TAX1BP1: variants seen among roughly 807,000 people sequenced by gnomAD.
TAX1BP1 encodes tax1-binding protein 1.
TAX1BP1 carries 62 observed loss-of-function variants against 97.7 expected under a neutral mutation model. That is an observed-to-expected ratio of 0.63 (90% CI 0.52 to 0.78). The LOEUF is 0.78. Among genes scored for constraint, TAX1BP1 ranks in the 30% least tolerant of loss-of-function variants. The probability of loss-of-function intolerance (pLI) is 0.00; values close to 1 mark genes in which losing one functional copy is unlikely to be tolerated. For missense variants in TAX1BP1, 867 were observed against 916.1 expected, an observed-to-expected ratio of 0.95 and a Z score of 0.69; for synonymous variants, 340 against 304.2, an observed-to-expected ratio of 1.12 and a Z score of -1.23.
At chr7:27,753,082 TTCAGG>T (rs1428493336) in intron 2 of TAX1BP1, among the ~76,000 whole-genome samples, 1 of 152,122 alleles carries the variant, frequency 6.6e-6, no homozygotes, top group Non-Finnish European at 1.5e-5. Flanking sequence ...GGCAGATCAC[TTCAGG>T]TCAGGAGTTT....
chr7:27,769,929 A>G (rs1788782944), intron 5 of TAX1BP1, 95 bp downstream of exon 5: 2 of 1,235,338 alleles, frequency 1.6e-6, no homozygotes, highest in Non-Finnish European at 2.3e-6. Context: ...AGTGAAAACC[A>G]GGTACTGAGA....
intron 8 of TAX1BP1, among the ~76,000 whole-genome samples, chr7:27,789,657 AT>A (rs1789626201): frequency 6.6e-6 from 1 of 151,936 alleles, no homozygotes; most frequent in African/African-American, 2.4e-5. Context: ...TTTGAAAAAA[AT>A]GGCCACATAA....
At chr7:27,817,269 T>C (rs556150614) in intron 15 of TAX1BP1, among the ~76,000 whole-genome samples, 15 of 152,332 alleles carry the variant, frequency 9.8e-5, no homozygotes, top group African/African-American at 3.4e-4. Context: ...TTAGGATTTA[T>C]ATACTAAAGT....
intron 5 of TAX1BP1, among the ~76,000 whole-genome samples, chr7:27,783,914 G>A (rs1021323077): frequency 6.6e-6 from 1 of 152,058 alleles, no homozygotes; most frequent in African/African-American, 2.4e-5. Flanking sequence ...CTGGTATTAT[G>A]GCATTGGAAC....
rs184508476 is a variant in TAX1BP1, at chr7:27,746,782, A to G, written c.-7-1736A>G. On this transcript the variant is annotated intron_variant, in intron 1 of 16. Transcript: ENST00000396319. Reference sequence around the variant, plus strand: ...AGGCTGACAACTAGCCTGATACTCTACAGTGGTTTCCAGGTTCATGATTGA... The same window carrying G: ...AGGCTGACAACTAGCCTGATACTCTGCAGTGGTTTCCAGGTTCATGATTGA... 6.6e-5 allele frequency among the ~76,000 whole-genome samples: 10 copies of G among 152,280 alleles called. No homozygotes were observed. The East Asian group carries it at 1.5e-3, about 24-fold the overall frequency.
At chr7:27,740,716 G>A (rs944138621) in intron 1 of TAX1BP1, among the ~76,000 whole-genome samples, 1 of 152,188 alleles carries the variant, frequency 6.6e-6, no homozygotes, top group Non-Finnish European at 1.5e-5. Flanking sequence ...CACGTAGGTC[G>A]CGTCCGAGAA....
intron 3 of TAX1BP1, among the ~76,000 whole-genome samples, chr7:27,763,369 C>T (rs1384469229): frequency 6.6e-6 from 1 of 152,160 alleles, no homozygotes; most frequent in East Asian, 1.9e-4. Flanking sequence ...CAAGTTTTTC[C>T]AGGCAGCTTT....
chr7:27,780,369 G>A (rs1347113506), intron 5 of TAX1BP1, among the ~76,000 whole-genome samples: 1 of 152,130 alleles, frequency 6.6e-6, no homozygotes, highest in Non-Finnish European at 1.5e-5. Flanking sequence ...TACTAGCTGT[G>A]TAACCTTTGA....
chr7:27,794,531 G>T, intron 11 of TAX1BP1, 85 bp downstream of exon 11: 1 of 1,372,700 alleles, frequency 7.3e-7, no homozygotes. Flanking sequence ...AGAATTTCAG[G>T]ATGTTCATAA....
chr7:27,746,208 T>C (rs1378022658), intron 1 of TAX1BP1, among the ~76,000 whole-genome samples: 1 of 152,172 alleles, frequency 6.6e-6, no homozygotes, highest in Non-Finnish European at 1.5e-5. Flanking sequence ...TAAGCTAGTT[T>C]ATTTCCTTCT....
At chr7:27,796,076 A>T in intron 11 of TAX1BP1, 40 bp from the exon 12 acceptor site, 1 of 1,505,160 alleles carries the variant, frequency 6.6e-7, no homozygotes, top group Non-Finnish European at 9.1e-7. Flanking sequence ...TATAAGGGGC[A>T]AAATACTTTT....
chr7:27,817,516 A>G (rs59134341), intron 15 of TAX1BP1, among the ~76,000 whole-genome samples: 6,277 of 152,274 alleles, frequency 0.041, 406 homozygotes, highest in African/African-American at 0.14. Context: ...AGAAAAGTGT[A>G]TGTATCATAT....
rs571846871 is a variant in TAX1BP1 at position 27,808,008 on chromosome 7, T to TAA, written c.1764+7918_1764+7919insAA. On this transcript the variant is annotated intron_variant, in intron 13 of 16. Transcript: ENST00000396319. ...GTGTCTTTCATTATTCTTTGAGCAC[T>TAA]TATTACTTTCTGGTGCAGAAGGATG... 2.9e-4 allele frequency among the ~76,000 whole-genome samples: 44 copies of TAA among 152,286 alleles called. No individual in the cohort carries two copies. In the East Asian group the frequency reaches 7.9e-3, roughly 27 times the overall value.
chr7:27,828,230 A>G (rs574002259), intron 16 of TAX1BP1, among the ~76,000 whole-genome samples: 1 of 152,344 alleles, frequency 6.6e-6, no homozygotes, highest in Admixed American at 6.5e-5. Context: ...TTTGAGAACC[A>G]GTGCCATAAA....
rs572829516 is a variant in TAX1BP1 at position 27,808,815 on chromosome 7, T to C, written c.1765-7534T>C. 3.9e-5 allele frequency among the ~76,000 whole-genome samples: 6 copies of C among 152,292 alleles called. No homozygotes were observed. In the East Asian group the frequency reaches 1.2e-3, roughly 29 times the overall value. Reference sequence around the variant, plus strand: ...CTCTTTCTTAAATTGTGGTGGCTATTTTAGGAAAATTATGAGTCAGCAGTT... The same window carrying C: ...CTCTTTCTTAAATTGTGGTGGCTATCTTAGGAAAATTATGAGTCAGCAGTT... On this transcript the variant is annotated intron_variant, in intron 13 of 16. Coordinates refer to ENST00000396319, the MANE Select transcript of TAX1BP1 (RefSeq NM_006024.7).
At chr7:27,783,214 G>A (rs1051142239) in intron 5 of TAX1BP1, among the ~76,000 whole-genome samples, 1 of 152,154 alleles carries the variant, frequency 6.6e-6, no homozygotes, top group African/African-American at 2.4e-5. Context: ...TTAGAATTAT[G>A]ATGTCCTTTT....
chr7:27,750,595 C>T (rs779356203), intron 2 of TAX1BP1, among the ~76,000 whole-genome samples: 2 of 152,150 alleles, frequency 1.3e-5, no homozygotes, highest in Non-Finnish European at 2.9e-5. Flanking sequence ...TGTCTATGGA[C>T]GACCTTCAGT....
chr7:27,800,117 A>C (rs773484792), intron 13 of TAX1BP1, 27 bp downstream of exon 13: 3 of 1,531,834 alleles, frequency 2.0e-6, no homozygotes, highest in Non-Finnish European at 2.6e-6. Flanking sequence ...TTGTATGTAA[A>C]CTTAAGGCAT....
At chr7:27,812,199 G>A (rs1333934249) in intron 13 of TAX1BP1, among the ~76,000 whole-genome samples, 1 of 152,188 alleles carries the variant, frequency 6.6e-6, no homozygotes, top group East Asian at 1.9e-4. Flanking sequence ...CCTAGTGGGT[G>A]TATTAGTGTT....
Sources: allele counts gnomAD v4.1 joint callset (sites outside exome capture counted in the v4.1 genomes callset), GRCh38; gene constraint gnomAD v4.1.1; transcripts MANE v1.5; gene names NCBI Gene and HGNC (gene_info 2026-07-23, HGNC 2026-07-21).